Variants in ANKS1B observed in about 807,000 individuals in gnomAD.
The protein encoded by ANKS1B is ankyrin repeat and sterile alpha motif domain-containing protein 1B.
Under a neutral mutation model 148.3 loss-of-function variants are expected in ANKS1B, and 36 were observed. The observed-to-expected ratio is 0.24, with a 90% CI of 0.19 to 0.32. ANKS1B has a LOEUF of 0.32. Among genes scored for constraint, ANKS1B ranks in the 10% least tolerant of loss-of-function variants. ANKS1B has a pLI of 1.00. For missense variants in ANKS1B, 1,157 were observed against 1,542.6 expected (o/e 0.75, Z 4.19); for synonymous variants, 542 against 560.8 (o/e 0.97, Z 0.47).
intron 12 of ANKS1B, among the ~76,000 whole-genome samples, chr12:99,359,373 C>G (rs2092304836): frequency 6.6e-6 from 1 of 151,982 alleles, no homozygotes; most frequent in African/African-American, 2.4e-5. Context: ...ACTCATTATT[C>G]TCCAGGGTTC....
intron 17 of ANKS1B, among the ~76,000 whole-genome samples, chr12:99,014,395 T>C (rs959669939): frequency 6.6e-6 from 1 of 152,128 alleles, no homozygotes; most frequent in African/African-American, 2.4e-5. Context: ...AATACTTAAA[T>C]GTGAAATCAA....
chr12:99,441,562 T>C (rs1251922998), intron 11 of ANKS1B, among the ~76,000 whole-genome samples: 1 of 151,972 alleles, frequency 6.6e-6, no homozygotes, highest in African/African-American at 2.4e-5. Context: ...TCTGCAATTA[T>C]ATATAGAGAA....
At chr12:99,295,091 T>C (rs2080681060) in intron 12 of ANKS1B, among the ~76,000 whole-genome samples, 1 of 152,114 alleles carries the variant, frequency 6.6e-6, no homozygotes, top group African/African-American at 2.4e-5. Context: ...TACGTACCCA[T>C]AAAAAAATTG....
intron 17 of ANKS1B, among the ~76,000 whole-genome samples, chr12:98,858,228 A>G (rs190449641): frequency 4.6e-4 from 70 of 152,370 alleles, no homozygotes; most frequent in African/African-American, 1.7e-3. Flanking sequence ...TCTAGATTAT[A>G]GTCCTGAAAA....
chr12:99,202,170 T>C (rs967576680), intron 14 of ANKS1B, among the ~76,000 whole-genome samples: 10 of 152,228 alleles, frequency 6.6e-5, no homozygotes, highest in Non-Finnish European at 1.0e-4. Flanking sequence ...TTTCTCTTTC[T>C]ATTTCCTCTT....
chr12:98,781,200 A>G lies in ANKS1B; in HGVS notation c.3358T>C (p.Ser1120Pro). 3.8e-6 allele frequency: 6 copies of G among 1,570,294 alleles called. No individual in the cohort carries two copies. The highest frequency in any genetic ancestry group is 5.2e-6 in the Non-Finnish European group (6 of 1,153,908). ...GGGACCTTCTTCATTTGCTCTGTAG[A>G]CTTCTGAAATTAAAATTAGAAAGCT... ...CAKMRANCQK[S>P]TEQMKKVPTI... is the part of the protein sequence containing the mutation. Residue 1120 changes from serine to proline, a missense_variant, in exon 24 of 27, where the codon TCT (serine) becomes CCT (proline). Around this residue, in one of 6 missense-constraint regions of ANKS1B, gnomAD observed 258 missense variants for 497.0 expected, o/e 0.52. Coordinates refer to ENST00000683438, the MANE Select transcript of ANKS1B (RefSeq NM_001352186.2).
At chr12:99,411,430 C>T (rs2094702982) in intron 11 of ANKS1B, among the ~76,000 whole-genome samples, 1 of 152,190 alleles carries the variant, frequency 6.6e-6, no homozygotes, top group Non-Finnish European at 1.5e-5. Context: ...ATATGTACCA[C>T]ATTTTCTTTA....
chr12:98,982,302 C>G (rs1450978610), intron 17 of ANKS1B, among the ~76,000 whole-genome samples: 4 of 143,308 alleles, frequency 2.8e-5, no homozygotes, highest in African/African-American at 1.0e-4. Flanking sequence ...CTCTGTAGTT[C>G]TAAAAAAAAA....
At chr12:98,990,692 A>G (rs1361721759) in intron 17 of ANKS1B, among the ~76,000 whole-genome samples, 1 of 152,214 alleles carries the variant, frequency 6.6e-6, no homozygotes, top group Non-Finnish European at 1.5e-5. Context: ...AAAGAAAAAT[A>G]TAGGATAGCT....
chr12:99,681,178 T>C (rs1018788955), intron 8 of ANKS1B, among the ~76,000 whole-genome samples: 3 of 152,152 alleles, frequency 2.0e-5, no homozygotes, highest in African/African-American at 7.2e-5. Context: ...TATACCCCTA[T>C]ACTATGCAGT....
At chr12:99,085,086 G>T in intron 15 of ANKS1B, 63 bp from the exon 16 acceptor site, 2 of 1,325,894 alleles carry the variant, frequency 1.5e-6, no homozygotes, top group South Asian at 1.3e-5. Flanking sequence ...AAATAACAAG[G>T]ATTTATTTAA....
intron 10 of ANKS1B, among the ~76,000 whole-genome samples, chr12:99,479,598 C>T (rs1195663294): frequency 6.6e-6 from 1 of 151,820 alleles, no homozygotes; most frequent in African/African-American, 2.4e-5. Context: ...ACCTGGGGGA[C>T]ATTATGCTAA....
At chr12:99,768,819 G>A (rs1009265246) in intron 8 of ANKS1B, among the ~76,000 whole-genome samples, 86 of 110,122 alleles carry the variant, frequency 7.8e-4, no homozygotes, top group African/African-American at 2.8e-3. Context: ...GCACGACTCC[G>A]TCTCAGAAAA....
At chr12:98,894,866 A>G (rs1448098039) in intron 17 of ANKS1B, 5 of 978,532 alleles carry the variant, frequency 5.1e-6, no homozygotes, top group Non-Finnish European at 6.0e-6. Context: ...TCTCCCCGCG[A>G]GCTCCCCGGG....
intron 17 of ANKS1B, among the ~76,000 whole-genome samples, chr12:98,922,162 T>C (rs2099802283): frequency 6.6e-6 from 1 of 152,254 alleles, no homozygotes; most frequent in Admixed American, 6.5e-5. Flanking sequence ...GAGTTTTCTG[T>C]AATTTTTACT....
intron 16 of ANKS1B, among the ~76,000 whole-genome samples, chr12:99,072,026 C>T (rs2046439949): frequency 6.6e-6 from 1 of 152,110 alleles, no homozygotes. Flanking sequence ...AAACAATAAT[C>T]TTTAAATACA....
chr12:99,496,568 A>T (rs1184604446), intron 10 of ANKS1B, among the ~76,000 whole-genome samples: 1 of 152,164 alleles, frequency 6.6e-6, no homozygotes, highest in Non-Finnish European at 1.5e-5. Context: ...GAACAATCTT[A>T]TTCTTTACTT....
chr12:99,263,916 C>G (rs1158271099), intron 12 of ANKS1B, among the ~76,000 whole-genome samples: 1 of 152,082 alleles, frequency 6.6e-6, no homozygotes, highest in Non-Finnish European at 1.5e-5. Flanking sequence ...TGAGAATGGA[C>G]TAATACAATT....
chr12:98,867,910 C>T (rs1160861921), intron 17 of ANKS1B, among the ~76,000 whole-genome samples: 2 of 152,010 alleles, frequency 1.3e-5, no homozygotes, highest in East Asian at 1.9e-4. Context: ...GATACTACTT[C>T]GTAAAGCTTC....
Sources: allele counts gnomAD v4.1 joint callset (sites outside exome capture counted in the v4.1 genomes callset), GRCh38; gene constraint gnomAD v4.1.1; regional missense constraint gnomAD v4.1.1; transcripts MANE v1.5; gene names NCBI Gene and HGNC (gene_info 2026-07-23, HGNC 2026-07-21).